The following RALGAPB variants were observed in gnomAD, a reference collection of about 807,000 sequenced individuals.
RALGAPB encodes Ral GTPase activating protein non-catalytic subunit beta, also known as ral GTPase-activating protein subunit beta.
RALGAPB carries 25 observed loss-of-function variants against 161.1 expected under a neutral mutation model. The ratio of observed to expected loss-of-function variants is 0.16; its 90% CI spans 0.11 to 0.22. RALGAPB has a LOEUF of 0.22. RALGAPB is among the 10% of genes least tolerant of loss of function. The pLI, the probability that RALGAPB is intolerant of heterozygous loss-of-function variation, is 1.00. For synonymous variants in RALGAPB, 629 were observed against 626.1 expected (o/e 1.00, Z -0.07); for missense variants, 1,391 against 1,815.2 (o/e 0.77, Z 4.25).
chr20:38,553,822 A>C, intron 21 of RALGAPB, 45 bp from the exon 22 acceptor site: 1 of 956,958 alleles, frequency 1.0e-6, no homozygotes, highest in Non-Finnish European at 1.6e-6. Context: ...TGGCCTTACT[A>C]GTTTGATAAT....
At chr20:38,496,629 G>A (rs1470338310) in intron 3 of RALGAPB, among the ~76,000 whole-genome samples, 1 of 152,084 alleles carries the variant, frequency 6.6e-6, no homozygotes, top group Non-Finnish European at 1.5e-5. Flanking sequence ...AAAATACTTT[G>A]ATCTGTTTTA....
Position 38,492,939 on chromosome 20 carries a change from A to T in RALGAPB, c.196A>T (p.Thr66Ser). The T allele has an allele frequency of 6.2e-7, 1 of 1,606,786 alleles. No individual in the cohort carries two copies. Among genetic ancestry groups the T allele is most frequent in the Admixed American group, 1.7e-5 (1 of 60,004 alleles). Residue 66 changes from threonine to serine, a missense_variant, in exon 3 of 30, where the codon ACC becomes TCC. Thr to Ser is a moderately conservative substitution (Grantham distance 58). This residue lies in a region of RALGAPB where 946 missense variants were observed against 1,257.2 expected (regional missense o/e 0.75). Coordinates refer to ENST00000262879, the MANE Select transcript of RALGAPB (RefSeq NM_020336.4). ...ATTTTCTTTTGTCTAGGTAAAATGG[A>T]CCATGGAAGTAATTTGCTATGGACT... ...LLKTDKEVKW[T>S]MEVICYGLTL...
At chr20:38,551,680 CAA>C (rs2087381089) in intron 21 of RALGAPB, among the ~76,000 whole-genome samples, 1 of 152,172 alleles carries the variant, frequency 6.6e-6, no homozygotes, top group African/African-American at 2.4e-5. Flanking sequence ...GCTTGAGTGA[CAA>C]AGAGATATCA....
rs1232654042 is a variant in RALGAPB at position 38,517,873 on chromosome 20, G to A, written c.1290G>A (p.Arg430=). ...SSPNQTSSEP[R]PLPAPRRPKV... ...CAAATCAGACTAGTTCAGAACCCCG[G>A]CCACTGCCTGCCCCTCGGAGACCAA... The change falls in exon 9 of 30, where the codon CGG becomes CGA. Residue 430 remains arginine (R), a synonymous_variant. Transcript: ENST00000262879. 9 of 1,613,624 alleles carry A rather than the reference G, an allele frequency of 5.6e-6. No individual in the cohort carries two copies. Among genetic ancestry groups the A allele is most frequent in the Admixed American group, 1.7e-5 (1 of 59,988 alleles).
Position 38,525,392 on chromosome 20 carries a change from A to C in RALGAPB, c.1788-12A>C. On this transcript the variant is annotated splice_polypyrimidine_tract_variant and intron_variant, in intron 11 of 29. Coordinates refer to ENST00000262879, the MANE Select transcript of RALGAPB (RefSeq NM_020336.4). ...AGTTCAAAAATACTAATAGCTTTTTATTTTTTGGCAGAGAACTCTCAAAAT... is the reference window on the plus strand; with the variant it reads ...AGTTCAAAAATACTAATAGCTTTTTCTTTTTTGGCAGAGAACTCTCAAAAT... The C allele has an allele frequency of 1.9e-6, 3 of 1,553,874 alleles. No homozygotes were observed. The highest frequency in any genetic ancestry group is 2.6e-6 in the Non-Finnish European group (3 of 1,139,910).
intron 13 of RALGAPB, among the ~76,000 whole-genome samples, chr20:38,528,717 G>A (rs1400303661): frequency 6.6e-6 from 1 of 151,560 alleles, no homozygotes; most frequent in East Asian, 1.9e-4. Context: ...GTCTCGCTGT[G>A]TCACCCAGGC....
intron 15 of RALGAPB, among the ~76,000 whole-genome samples, 195 bp from the exon 16 acceptor site, chr20:38,534,879 T>C (rs1371318158): frequency 3.3e-5 from 5 of 152,252 alleles, no homozygotes; most frequent in South Asian, 4.1e-4. Context: ...TGCTCTGGTC[T>C]AGCACATGTG....
At chr20:38,564,455 T>C (rs748564849) in intron 24 of RALGAPB, among the ~76,000 whole-genome samples, 1 of 152,216 alleles carries the variant, frequency 6.6e-6, no homozygotes, top group African/African-American at 2.4e-5. Context: ...TCTTCCAATT[T>C]TTTCGGTGAG....
At position 38,500,569 on chromosome 20, in the gene RALGAPB, A is replaced by C. The variant is rs564962869; in HGVS notation, c.740+936A>C. On this transcript the variant is annotated intron_variant, in intron 5 of 29. Transcript: ENST00000262879. ...ACACAATGATACTGAAATTAGGCCA[A>C]TTAGTAACTCTATAATGGCCTCAAA... Among the ~76,000 whole-genome samples the C allele has an allele frequency of 8.4e-4, 128 of 152,200 alleles. 1 individual carries two copies. The highest frequency in any genetic ancestry group is 1.4e-3 in the Non-Finnish European group (97 of 68,038).
rs180930892 is a variant in RALGAPB at position 38,574,216 on chromosome 20, G to C, written c.4209G>C (p.Arg1403=). The change falls in exon 29 of 30, where the codon CGG becomes CGC. Residue 1403 remains arginine, a synonymous_variant. Coordinates refer to ENST00000262879, the MANE Select transcript of RALGAPB (RefSeq NM_020336.4). ...ACCCTTTAAACACTGGATTATTCCG[G>C]ATAAAAATTCAAGGAGCCACTGGAA... ...FIHPLNTGLF[R]IKIQGATGKF... is the part of the protein sequence containing the mutation. The C allele has an allele frequency of 1.2e-6, 2 of 1,613,560 alleles. No homozygotes were observed. Among genetic ancestry groups the C allele is most frequent in the South Asian group, 1.1e-5 (1 of 91,022 alleles).
chr20:38,535,274 T>C, intron 16 of RALGAPB, 67 bp downstream of exon 16: 1 of 1,537,248 alleles, frequency 6.5e-7, no homozygotes, highest in South Asian at 1.2e-5. Context: ...TCTGTATCTC[T>C]TAACCCCTTG....
At chr20:38,484,040 G>A (rs573920905) in intron 1 of RALGAPB, among the ~76,000 whole-genome samples, 14 of 152,130 alleles carry the variant, frequency 9.2e-5, no homozygotes, top group Non-Finnish European at 1.8e-4. Context: ...TTAGCCAGGT[G>A]TGGTGGTGGG....
intron 6 of RALGAPB, among the ~76,000 whole-genome samples, chr20:38,515,267 C>T (rs147470731): frequency 6.6e-6 from 1 of 152,306 alleles, no homozygotes; most frequent in Non-Finnish European, 1.5e-5. Flanking sequence ...TCCGCAATTA[C>T]AGTTACTTGA....
At chr20:38,536,528 AC>A (rs2086812489) in intron 16 of RALGAPB, among the ~76,000 whole-genome samples, 1 of 152,170 alleles carries the variant, frequency 6.6e-6, no homozygotes, top group Admixed American at 6.5e-5. Context: ...CCTATGTTTA[AC>A]TTTTTGAGGA....
At chr20:38,483,394 G>T (rs987310010) in intron 1 of RALGAPB, among the ~76,000 whole-genome samples, 1 of 152,102 alleles carries the variant, frequency 6.6e-6, no homozygotes, top group Non-Finnish European at 1.5e-5. Flanking sequence ...ATAGTATATA[G>T]AATTAATATG....
intron 25 of RALGAPB, 143 bp downstream of exon 25, chr20:38,565,621 A>G: frequency 2.0e-6 from 2 of 1,012,664 alleles, no homozygotes; most frequent in African/African-American, 3.2e-5. Context: ...GCAGAAGCAC[A>G]AGATGTCTTC....
At chr20:38,543,999 T>C (rs1052518932) in intron 18 of RALGAPB, among the ~76,000 whole-genome samples, 8 of 152,220 alleles carry the variant, frequency 5.3e-5, no homozygotes, top group African/African-American at 7.2e-5. Context: ...TAGAAAATTA[T>C]GGAGTGCAGA....
intron 1 of RALGAPB, among the ~76,000 whole-genome samples, chr20:38,477,345 T>C (rs867980464): frequency 6.6e-6 from 1 of 152,302 alleles, no homozygotes; most frequent in East Asian, 1.9e-4. Context: ...ATGAGAACTG[T>C]GGTGGTGCTG....
chr20:38,559,766 C>T (rs955806277), intron 23 of RALGAPB, among the ~76,000 whole-genome samples: 7 of 151,804 alleles, frequency 4.6e-5, no homozygotes, highest in African/African-American at 9.7e-5. Context: ...AAGAGAAGGA[C>T]GAAGAAAAAT....
Sources: allele counts gnomAD v4.1 joint callset (sites outside exome capture counted in the v4.1 genomes callset), GRCh38; gene constraint gnomAD v4.1.1; regional missense constraint gnomAD v4.1.1; transcripts MANE v1.5; gene names NCBI Gene and HGNC (gene_info 2026-07-23, HGNC 2026-07-21).